Variants in IBTK observed in about 807,000 individuals in gnomAD.
IBTK encodes BTK-binding protein.
Under a neutral mutation model 154.9 loss-of-function variants are expected in IBTK, and 83 were observed. That is an observed-to-expected ratio of 0.54 (90% confidence interval 0.45 to 0.64). IBTK has a LOEUF of 0.64. IBTK is among the 30% of genes least tolerant of loss of function. The pLI is 0.00. For synonymous variants in IBTK, 515 were observed against 536.1 expected (o/e 0.96, Z 0.54); for missense variants, 1,332 against 1,584.6 (o/e 0.84, Z 2.71).
intron 26 of IBTK, among the ~76,000 whole-genome samples, chr6:82,177,293 TC>T (rs1768157510): frequency 6.6e-6 from 1 of 152,200 alleles, no homozygotes; most frequent in African/African-American, 2.4e-5. Context: ...CACTGCAACT[TC>T]CACCTCCTGG....
chr6:82,202,678 TA>T, intron 17 of IBTK, 33 bp from the exon 18 acceptor site: 1 of 1,156,098 alleles, frequency 8.6e-7, no homozygotes, highest in Non-Finnish European at 1.3e-6. Flanking sequence ...CAAAATTAGA[TA>T]AAAGGCACAT....
At chr6:82,216,693 T>C (rs1769888581) in intron 10 of IBTK, among the ~76,000 whole-genome samples, 1 of 152,210 alleles carries the variant, frequency 6.6e-6, no homozygotes. Context: ...CCCCCTTTCT[T>C]GCATGTATTC....
chr6:82,181,727 G>A, intron 26 of IBTK, 152 bp downstream of exon 26: 2 of 557,220 alleles, frequency 3.6e-6, no homozygotes, highest in Non-Finnish European at 6.1e-6. Flanking sequence ...TTTAAGTGGG[G>A]AAGGAATTTA....
chr6:82,184,001 C>T (rs796279751), intron 25 of IBTK, among the ~76,000 whole-genome samples: 95 of 152,302 alleles, frequency 6.2e-4, no homozygotes, highest in African/African-American at 2.2e-3. Context: ...GAACTGTGAG[C>T]CAATAAATAT....
chr6:82,203,538 A>C (rs1769290471), intron 17 of IBTK, among the ~76,000 whole-genome samples: 1 of 152,206 alleles, frequency 6.6e-6, no homozygotes, highest in Admixed American at 6.5e-5. Context: ...GAACAGAGAA[A>C]TTGAAGAAAT....
At chr6:82,214,116 C>A in intron 12 of IBTK, 111 bp downstream of exon 12, 1 of 1,065,092 alleles carries the variant, frequency 9.4e-7, no homozygotes, top group Admixed American at 2.5e-5. Flanking sequence ...CCACCACACC[C>A]GGCTAATTTT....
chr6:82,188,141 A>G (rs976547681), intron 25 of IBTK, among the ~76,000 whole-genome samples: 2 of 152,192 alleles, frequency 1.3e-5, no homozygotes, highest in Non-Finnish European at 2.9e-5. Flanking sequence ...ACGTTACCCT[A>G]TAGTCACACC....
chr6:82,226,470 A>G (rs888350945), intron 5 of IBTK, among the ~76,000 whole-genome samples: 8 of 151,120 alleles, frequency 5.3e-5, no homozygotes, highest in African/African-American at 2.0e-4. Context: ...CAGTAGCACA[A>G]ATATAAATTT....
chr6:82,238,147 G>A (rs1770800982), intron 2 of IBTK, among the ~76,000 whole-genome samples: 1 of 151,936 alleles, frequency 6.6e-6, no homozygotes, highest in African/African-American at 2.4e-5. Context: ...GGAAGGCTGG[G>A]GCAGGAGAAT....
chr6:82,228,525 T>C (rs979868386), intron 4 of IBTK, among the ~76,000 whole-genome samples: 1 of 152,156 alleles, frequency 6.6e-6, no homozygotes, highest in African/African-American at 2.4e-5. Flanking sequence ...AATTTTATAT[T>C]AAATATTAGA....
At chr6:82,222,790 G>A (rs888673334) in intron 8 of IBTK, among the ~76,000 whole-genome samples, 3 of 151,884 alleles carry the variant, frequency 2.0e-5, no homozygotes, top group South Asian at 2.1e-4. Context: ...GAAGCTGGGC[G>A]CAGTGGCTCA....
rs1768754190 is a variant in IBTK at position 82,191,161 on chromosome 6, A to G, written c.3487T>C (p.Leu1163=). Residue 1163 remains leucine, a synonymous_variant, in exon 25 of 29, where the codon TTG becomes CTG. Coordinates refer to ENST00000306270, the MANE Select transcript of IBTK (RefSeq NM_015525.4). ...CCTGAATTGTTTTCCTTGGTAGTCA[A>G]TGCAATCATTTTTCGTTGCTTCTGA... ...LSQKQRKMIA[L]TTKENNSGMN... 2 of 1,609,764 alleles carry G rather than the reference A, an allele frequency of 1.2e-6. No individual in the cohort carries two copies. The highest frequency in any genetic ancestry group is 1.7e-6 in the Non-Finnish European group (2 of 1,178,128).
Position 82,221,324 on chromosome 6 carries a change from A to G in IBTK, c.1125-611T>C, listed in dbSNP as rs185665019. Among the ~76,000 whole-genome samples the G allele has an allele frequency of 3.9e-5, 6 of 152,328 alleles. No homozygotes were observed. The East Asian group carries it at 9.6e-4, about 24-fold the overall frequency. ...GGGTGATAGAGAGAGACTCTGTCTT[A>G]AAAAAGTAAATAAATAATAAATAAA... On this transcript the variant is annotated intron_variant, in intron 8 of 28. Coordinates refer to ENST00000306270, the MANE Select transcript of IBTK (RefSeq NM_015525.4).
intron 16 of IBTK, among the ~76,000 whole-genome samples, chr6:82,206,285 T>C (rs147107295): frequency 6.6e-6 from 1 of 152,286 alleles, no homozygotes; most frequent in Non-Finnish European, 1.5e-5. Context: ...GTATCCTTAT[T>C]TGACCTGTCT....
At position 82,204,937 on chromosome 6, in the gene IBTK, A is replaced by G; in HGVS notation, c.2531T>C (p.Ile844Thr). 6.2e-7 allele frequency: 1 copy of G among 1,600,044 alleles called. No individual in the cohort carries two copies. Among genetic ancestry groups the G allele is most frequent in the Non-Finnish European group, 8.5e-7 (1 of 1,171,918 alleles). ...VIKESQNVDF[I>T]CSVLVVADQL... ...ATCAGCCACCACAAGAACACTACAA[A>G]TAAAATCTACATTTTGAGATTCTAA... The change falls in exon 17 of 29, where the codon ATT becomes ACT. Residue 844 changes from isoleucine (I) to threonine (T), a missense_variant. Physicochemically the swap from Ile to Thr is moderately conservative, Grantham distance 89. This residue lies in a region of IBTK where 1,134 missense variants were observed against 1,274.7 expected (regional missense o/e 0.89). Transcript: ENST00000306270.
intron 18 of IBTK, 104 bp from the exon 19 acceptor site, chr6:82,201,586 G>T: frequency 1.4e-6 from 1 of 732,592 alleles, no homozygotes; most frequent in Non-Finnish European, 2.2e-6. Context: ...AAGTAACAAA[G>T]TTATTTTTTA....
chr6:82,213,976 GAC>G (rs1257799062), intron 12 of IBTK, among the ~76,000 whole-genome samples: 7 of 151,400 alleles, frequency 4.6e-5, no homozygotes, highest in Non-Finnish European at 8.8e-5. Flanking sequence ...TTTTCTTTGA[GAC>G]ACAGTCTCGC....
At chr6:82,237,712 T>C (rs1005171442) in intron 2 of IBTK, among the ~76,000 whole-genome samples, 7 of 149,272 alleles carry the variant, frequency 4.7e-5, no homozygotes, top group African/African-American at 1.2e-4. Flanking sequence ...TAGTAGAAGA[T>C]CAGTAGGGAG....
chr6:82,173,426 A>G lies in IBTK; in HGVS notation c.3738T>C (p.His1246=), dbSNP rs370357999. ...QAPKIVRCST[H]GTPGPEGNHI... ...GGTTGCCTTCTGGTCCTGGGGTACC[A>G]TGGGTAGAGCATCTGCAAAACAAAT... Residue 1246 remains histidine (H), a synonymous_variant, in exon 27 of 29, where the codon CAT becomes CAC. Coordinates refer to ENST00000306270, the MANE Select transcript of IBTK (RefSeq NM_015525.4). 2 of 1,613,360 alleles carry G rather than the reference A, an allele frequency of 1.2e-6. No individual in the cohort carries two copies. Among genetic ancestry groups the G allele is most frequent in the Non-Finnish European group, 1.7e-6 (2 of 1,179,524 alleles).
Sources: gnomAD v4.1 joint callset for allele counts (sites outside exome capture counted in the v4.1 genomes callset) on GRCh38, gnomAD v4.1.1 for gene constraint, gnomAD v4.1.1 regional missense constraint, MANE v1.5 for transcripts, NCBI Gene and HGNC (gene_info 2026-07-23, HGNC 2026-07-21) for gene names.